The following NFS1 variants were observed in gnomAD, a reference collection of about 807,000 sequenced individuals.
The protein encoded by NFS1 is cysteine desulfurase.
A neutral mutation model predicts 57.3 loss-of-function variants in NFS1; 26 were observed. The ratio of observed to expected loss-of-function variants is 0.45; its 90% CI spans 0.33 to 0.63. The LOEUF (loss-of-function observed/expected upper bound fraction) is 0.63. Among genes scored for constraint, NFS1 ranks in the 20% least tolerant of loss-of-function variants. The probability of loss-of-function intolerance (pLI) is 0.02; values close to 1 mark genes in which losing one functional copy is unlikely to be tolerated. For synonymous variants in NFS1, 209 were observed against 216.3 expected (o/e 0.97, Z 0.30); for missense variants, 505 against 605.8 (o/e 0.83, Z 1.75).
At chr20:35,673,771 G>A in intron 10 of NFS1, 87 bp from the exon 11 acceptor site, 2 of 1,043,650 alleles carry the variant, frequency 1.9e-6, no homozygotes, top group Non-Finnish European at 2.9e-6. Context: ...CATCCCCCAG[G>A]GCCCTGGAGT....
chr20:35,675,175 C>T lies in NFS1; in HGVS notation c.818G>A (p.Arg273Gln), dbSNP rs775505706. 18 of 1,613,434 alleles carry T rather than the reference C, an allele frequency of 1.1e-5. No individual in the cohort carries two copies. The East Asian group carries it at 2.0e-4, about 18-fold the overall frequency. Residue 273 changes from arginine (R) to glutamine (Q), a missense_variant, in exon 8 of 13, where the codon CGG becomes CAG. Coordinates refer to ENST00000374092, the MANE Select transcript of NFS1 (RefSeq NM_021100.5). ...KGVGAIYIRR[R>Q]PRVRVEALQS... ...CAGGGCCTCCACACGCACACGGGGC[C>T]GGCGACGGATGTAGATGGCACCAAC... is the stretch of plus-strand genomic sequence containing the variant.
chr20:35,671,905 A>C (rs1209818272), intron 12 of NFS1, among the ~76,000 whole-genome samples: 1 of 151,916 alleles, frequency 6.6e-6, no homozygotes, highest in Non-Finnish European at 1.5e-5. Context: ...AAAAAAAAAA[A>C]ACTACTACCT....
chr20:35,687,676 TCTCTCGTCTCTGCACATGGGGA>T (rs2034970608), intron 5 of NFS1, among the ~76,000 whole-genome samples: 1 of 152,100 alleles, frequency 6.6e-6, no homozygotes, highest in Non-Finnish European at 1.5e-5. Context: ...ATTTCTACGC[TCTCTCGTCTCTGCACATGGGGA>T]GAAAACCCAC....
At chr20:35,695,645 C>G (rs1219975644) in intron 4 of NFS1, among the ~76,000 whole-genome samples, 1 of 152,046 alleles carries the variant, frequency 6.6e-6, no homozygotes, top group Non-Finnish European at 1.5e-5. Context: ...TCTAAAGAAA[C>G]AGGAGGAACT....
chr20:35,669,737 C>A, intron 12 of NFS1, 52 bp from the exon 13 acceptor site: 1 of 1,538,006 alleles, frequency 6.5e-7, no homozygotes, highest in Non-Finnish European at 9.0e-7. Flanking sequence ...AGGAAGTCGA[C>A]AACATTGGCC....
intron 11 of NFS1, 75 bp downstream of exon 11, chr20:35,673,526 A>G: frequency 7.4e-7 from 1 of 1,344,014 alleles, no homozygotes; most frequent in Non-Finnish European, 1.1e-6. Context: ...AGGGTGGAAA[A>G]AGAAAAAAAC....
At chr20:35,684,948 C>A (rs922585290) in intron 5 of NFS1, among the ~76,000 whole-genome samples, 1 of 150,570 alleles carries the variant, frequency 6.6e-6, no homozygotes, top group Non-Finnish European at 1.5e-5. Context: ...AGTGCAGTGG[C>A]GGGGTCTCAC....
intron 4 of NFS1, among the ~76,000 whole-genome samples, chr20:35,692,614 G>A (rs951356016): frequency 1.3e-5 from 2 of 149,778 alleles, no homozygotes; most frequent in African/African-American, 4.9e-5. Flanking sequence ...AGGATCACCT[G>A]AGCCAAGGAG....
intron 4 of NFS1, among the ~76,000 whole-genome samples, chr20:35,692,001 G>A (rs2035049527): frequency 6.6e-6 from 1 of 151,526 alleles, no homozygotes. Flanking sequence ...TGACCAACAT[G>A]GAAAAACTCC....
intron 3 of NFS1, 78 bp from the exon 4 acceptor site, chr20:35,696,538 C>G: frequency 5.5e-6 from 6 of 1,100,492 alleles, no homozygotes; most frequent in Non-Finnish European, 8.3e-6. Flanking sequence ...TGGGACAGCC[C>G]TGGAGCAAGA....
rs889087568 is a variant in NFS1, at chr20:35,669,520, T to C, written c.*102A>G. 2.9e-6 allele frequency: 3 copies of C among 1,017,844 alleles called. No homozygotes were observed. The highest frequency in any genetic ancestry group is 1.3e-5 in the South Asian group (1 of 76,610). 63.1% of individuals were successfully genotyped at this position (1,017,844 alleles called of 1,614,324 possible). ...ACTGATGCTGAAGTCAACTGGTCTA[T>C]ACCAATCTAGAGCATCCACTAGGTG... On this transcript the variant is annotated 3_prime_UTR_variant, in exon 13 of 13. Transcript: ENST00000374092.
intron 8 of NFS1, 82 bp downstream of exon 8, chr20:35,674,963 G>A (rs2034715922): frequency 1.3e-6 from 2 of 1,561,602 alleles, no homozygotes; most frequent in African/African-American, 1.4e-5. Context: ...GCAGAGATCT[G>A]CCTCAGTCAT....
At position 35,675,191 on chromosome 20, in the gene NFS1, T is replaced by C. The variant is rs112295072; in HGVS notation, c.802A>G (p.Ile268Val). 1.9e-6 allele frequency: 3 copies of C among 1,611,368 alleles called. No individual in the cohort carries two copies. Among genetic ancestry groups the C allele is most frequent in the Non-Finnish European group, 1.7e-6 (2 of 1,178,542 alleles). The part of the protein sequence containing the change: ...KIYGPKGVGA[I>V]YIRRRPRVRV... Reference sequence around the variant, plus strand: ...ACACGGGGCCGGCGACGGATGTAGATGGCACCAACCCCTGGGAAACAAAAT... The same window carrying C: ...ACACGGGGCCGGCGACGGATGTAGACGGCACCAACCCCTGGGAAACAAAAT... Residue 268 changes from isoleucine (I) to valine (V), a missense_variant, in exon 8 of 13, where the codon ATC becomes GTC. Ile to Val is a conservative substitution (Grantham distance 29). Coordinates refer to ENST00000374092, the MANE Select transcript of NFS1 (RefSeq NM_021100.5).
In NFS1 at chr20:35,675,105, C is replaced by T; in HGVS notation, c.888G>A (p.Val296=). The T allele has an allele frequency of 5.0e-6, 8 of 1,614,080 alleles. No individual in the cohort carries two copies. Among genetic ancestry groups the T allele is most frequent in the Non-Finnish European group, 6.8e-6 (8 of 1,180,000 alleles). Residue 296 remains valine (V), a synonymous_variant, in exon 8 of 13, where the codon GTG becomes GTA. Transcript: ENST00000374092. ...CCAGCCCCACCACTAAGGGTGTGGGCACTGTCCCAGACCGCATACCCCGCT... is the reference window on the plus strand; with the variant it reads ...CCAGCCCCACCACTAAGGGTGTGGGTACTGTCCCAGACCGCATACCCCGCT... ...GQERGMRSGT[V]PTPLVVGLGA...
intron 5 of NFS1, among the ~76,000 whole-genome samples, chr20:35,689,302 A>C (rs896209442): frequency 1.1e-4 from 17 of 152,176 alleles, no homozygotes; most frequent in Non-Finnish European, 7.4e-5. Context: ...AGCCTGACCA[A>C]CATGGTGAAA....
At chr20:35,671,284 G>A (rs961764874) in intron 12 of NFS1, among the ~76,000 whole-genome samples, 1 of 152,140 alleles carries the variant, frequency 6.6e-6, no homozygotes, top group African/African-American at 2.4e-5. Context: ...TGTATTCTTA[G>A]TAGAGACGGG....
chr20:35,685,782 C>T (rs1390360740), intron 5 of NFS1, among the ~76,000 whole-genome samples: 7 of 133,324 alleles, frequency 5.3e-5, no homozygotes, highest in East Asian at 2.4e-4. Flanking sequence ...TGCTTGAACC[C>T]GGGAGGCGGA....
chr20:35,692,861 G>C (rs557869714), intron 4 of NFS1, among the ~76,000 whole-genome samples: 16 of 152,052 alleles, frequency 1.1e-4, no homozygotes, highest in Admixed American at 8.5e-4. Flanking sequence ...AATTAGCTGG[G>C]TGTGGTAGCA....
intron 8 of NFS1, 179 bp downstream of exon 8, chr20:35,674,866 T>C (rs2034714383): frequency 5.0e-6 from 4 of 800,254 alleles, no homozygotes; most frequent in Admixed American, 2.7e-5. Flanking sequence ...TAAAAGGCCA[T>C]GGGTTTTGAA....
Sources: gnomAD v4.1 joint callset for allele counts (sites outside exome capture counted in the v4.1 genomes callset) on GRCh38, gnomAD v4.1.1 for gene constraint, MANE v1.5 for transcripts, NCBI Gene and HGNC (gene_info 2026-07-23, HGNC 2026-07-21) for gene names.